TRIO: variants seen among roughly 807,000 people sequenced by gnomAD.
The protein encoded by TRIO is trio Rho guanine nucleotide exchange factor.
TRIO carries 58 observed loss-of-function variants against 351.9 expected under a neutral mutation model. The observed-to-expected ratio is 0.16, with a 90% CI of 0.13 to 0.21. TRIO has a LOEUF of 0.21. TRIO is among the 10% of genes least tolerant of loss of function. TRIO has a pLI of 1.00. For synonymous variants in TRIO, 1,758 were observed against 1,595.7 expected, an observed-to-expected ratio of 1.10 and a Z score of -2.42; for missense variants, 3,201 against 4,027.8, an observed-to-expected ratio of 0.79 and a Z score of 5.56.
intron 43 of TRIO, 31 bp from the exon 44 acceptor site, chr5:14,481,203 C>T: frequency 6.2e-7 from 1 of 1,600,528 alleles, no homozygotes; most frequent in Non-Finnish European, 8.5e-7. Flanking sequence ...TCTTTGTCAC[C>T]ATTATCATGT....
chr5:14,384,236 A>T (rs1389118797), intron 21 of TRIO, among the ~76,000 whole-genome samples: 1 of 152,220 alleles, frequency 6.6e-6, no homozygotes, highest in Non-Finnish European at 1.5e-5. Context: ...CTGACGCCAC[A>T]GCCTTCTTCC....
Position 14,420,113 on chromosome 5 carries a change from T to C in TRIO, c.5203+92T>C, listed in dbSNP as rs113537115. On this transcript the variant is annotated intron_variant, in intron 34 of 56. Coordinates refer to ENST00000344204, the MANE Select transcript of TRIO (RefSeq NM_007118.4). ...CGCCTCTCCTGCCTGTTAATGTGCATGAGCTTCCTTGTCAGCTGTGCCTTC... is the reference window on the plus strand; with the variant it reads ...CGCCTCTCCTGCCTGTTAATGTGCACGAGCTTCCTTGTCAGCTGTGCCTTC... 1,436 of 1,528,656 alleles carry C rather than the reference T, an allele frequency of 9.4e-4. 16 individuals are homozygous for C. In the African/African-American group the frequency reaches 0.017, roughly 18 times the overall value. The allele number at this position is 1,528,656 out of a possible 1,614,324, so 94.7% of individuals were successfully genotyped here. A position where few individuals can be genotyped will look rare whatever the true frequency, so the allele number is the denominator to read the frequency against.
chr5:14,432,815 A>C (rs1035586600), intron 34 of TRIO, among the ~76,000 whole-genome samples: 1 of 152,150 alleles, frequency 6.6e-6, no homozygotes, highest in African/African-American at 2.4e-5. Context: ...TCCTAAATCA[A>C]AATCAGCTGC....
intron 1 of TRIO, among the ~76,000 whole-genome samples, chr5:14,243,618 A>G (rs1794257804): frequency 6.6e-6 from 1 of 152,202 alleles, no homozygotes. Flanking sequence ...AAATTATTCC[A>G]TAGGAGGGTA....
At chr5:14,421,613 A>T (rs1750165743) in intron 34 of TRIO, among the ~76,000 whole-genome samples, 1 of 151,764 alleles carries the variant, frequency 6.6e-6, no homozygotes, top group Non-Finnish European at 1.5e-5. Context: ...GAAAAAAAAA[A>T]AAAAAAAGAT....
chr5:14,330,797 A>C lies in TRIO; in HGVS notation c.1751A>C (p.Asn584Thr). The C allele has an allele frequency of 6.2e-7, 1 of 1,614,140 alleles. No individual in the cohort carries two copies. Among genetic ancestry groups the C allele is most frequent in the Non-Finnish European group, 8.5e-7 (1 of 1,179,968 alleles). ...DVQQVLDWIE[N>T]HGEAFLSKHT... ...TTGTAGGTGCTAGACTGGATCGAGA[A>C]CCACGGAGAAGCATTTCTGAGCAAA... The change falls in exon 10 of 57, where the codon AAC becomes ACC. Residue 584 changes from asparagine (N) to threonine (T), a missense_variant. Physicochemically the swap from Asn to Thr is moderately conservative, Grantham distance 65. Transcript: ENST00000344204.
intron 48 of TRIO, chr5:14,490,751 T>C: frequency 4.4e-6 from 2 of 454,680 alleles, no homozygotes; most frequent in Non-Finnish European, 8.8e-6. Flanking sequence ...TAGTTAGGAT[T>C]GTAGTAGCAA....
intron 1 of TRIO, among the ~76,000 whole-genome samples, chr5:14,252,228 G>C (rs906223888): frequency 1.1e-4 from 17 of 152,218 alleles, no homozygotes; most frequent in Admixed American, 9.2e-4. Flanking sequence ...TGCCATGTCT[G>C]TTGATAGATC....
At chr5:14,366,655 A>G (rs1270323491) in intron 15 of TRIO, among the ~76,000 whole-genome samples, 3 of 152,208 alleles carry the variant, frequency 2.0e-5, no homozygotes, top group Non-Finnish European at 2.9e-5. Context: ...AAATAACAGA[A>G]CTAATTAAAA....
chr5:14,268,807 T>C (rs1230623831), intron 1 of TRIO, among the ~76,000 whole-genome samples: 1 of 152,216 alleles, frequency 6.6e-6, no homozygotes, highest in Non-Finnish European at 1.5e-5. Context: ...TGGGGAGCCT[T>C]AGTCCTCTTT....
At chr5:14,364,907 A>G in intron 15 of TRIO, 91 bp downstream of exon 15, 1 of 1,460,974 alleles carries the variant, frequency 6.8e-7, no homozygotes, top group Admixed American at 2.3e-5. Flanking sequence ...TAGCATTGGG[A>G]AGGATTGTGC....
Position 14,509,779 on chromosome 5 carries a change from G to T in TRIO, c.*1357G>T. On this transcript the variant is annotated 3_prime_UTR_variant, in exon 57 of 57. Coordinates refer to ENST00000344204, the MANE Select transcript of TRIO (RefSeq NM_007118.4). The stretch of plus-strand genomic sequence containing the variant: ...AGTCCTTTCAACTCAAGGAGGCTGG[G>T]TTTCTGGGCACCCTCGAAGTTTTCT... The T allele has an allele frequency of 5.1e-6, 1 of 195,104 alleles. No individual in the cohort carries two copies. Among genetic ancestry groups the T allele is most frequent in the South Asian group, 8.0e-5 (1 of 12,574 alleles). The allele number at this position is 195,104 out of a possible 1,614,324, so 12.1% of individuals were successfully genotyped here.
chr5:14,399,094 T>A, intron 30 of TRIO, 24 bp downstream of exon 30: 1 of 1,604,404 alleles, frequency 6.2e-7, no homozygotes, highest in Non-Finnish European at 8.5e-7. Context: ...TTCAGAATTG[T>A]AAGTCTAAAG....
At chr5:14,202,245 A>C (rs997580934) in intron 1 of TRIO, among the ~76,000 whole-genome samples, 1 of 148,750 alleles carries the variant, frequency 6.7e-6, no homozygotes, top group African/African-American at 2.5e-5. Flanking sequence ...CAACCCATGG[A>C]CCAACACAAA....
intron 40 of TRIO, among the ~76,000 whole-genome samples, chr5:14,475,342 T>C (rs561127953): frequency 2.5e-5 from 1 of 39,588 alleles, no homozygotes; most frequent in Admixed American, 3.4e-4. Flanking sequence ...CTGGCCTCTC[T>C]CTGAAGCTGA....
chr5:14,195,033 G>A (rs1167329994), intron 1 of TRIO, among the ~76,000 whole-genome samples: 2 of 151,126 alleles, frequency 1.3e-5, no homozygotes, highest in Non-Finnish European at 2.9e-5. Context: ...TTAAACCAAG[G>A]ACATTCTCTT....
intron 3 of TRIO, among the ~76,000 whole-genome samples, chr5:14,281,125 TG>T (rs1735955102): frequency 6.6e-6 from 1 of 152,158 alleles, no homozygotes; most frequent in Non-Finnish European, 1.5e-5. Context: ...TGACAACTGG[TG>T]GAGGAAATTT....
intron 1 of TRIO, among the ~76,000 whole-genome samples, chr5:14,181,807 A>G (rs549204464): frequency 1.3e-5 from 2 of 152,254 alleles, no homozygotes; most frequent in Admixed American, 1.3e-4. Flanking sequence ...TGAAGACCAC[A>G]TGGTGGCCAC....
chr5:14,457,112 A>G (rs1753371281), intron 34 of TRIO, among the ~76,000 whole-genome samples: 1 of 152,228 alleles, frequency 6.6e-6, no homozygotes, highest in South Asian at 2.1e-4. Flanking sequence ...TTGTCCCTCT[A>G]CATTTGCAGA....
Sources: allele counts gnomAD v4.1 joint callset (sites outside exome capture counted in the v4.1 genomes callset), GRCh38; gene constraint gnomAD v4.1.1; transcripts MANE v1.5; gene names NCBI Gene and HGNC (gene_info 2026-07-23, HGNC 2026-07-21).